Variants in ATP11A observed in about 807,000 individuals in gnomAD.
ATP11A encodes the protein phospholipid-transporting ATPase IH.
Under a neutral mutation model 154.4 loss-of-function variants are expected in ATP11A, and 81 were observed. That is an observed-to-expected ratio of 0.52 (90% CI 0.44 to 0.63). The LOEUF (loss-of-function observed/expected upper bound fraction) is 0.63. Ranked by LOEUF, ATP11A falls within the 30% of genes least tolerant of loss-of-function variation. The pLI is 0.00. For synonymous variants in ATP11A, 623 were observed against 585.9 expected, an observed-to-expected ratio of 1.06 and a Z score of -0.91; for missense variants, 1,316 against 1,474.3, an observed-to-expected ratio of 0.89 and a Z score of 1.76.
chr13:112,734,142 T>C (rs1036338326), intron 1 of ATP11A, among the ~76,000 whole-genome samples: 1 of 152,182 alleles, frequency 6.6e-6, no homozygotes, highest in Non-Finnish European at 1.5e-5. Flanking sequence ...CTAACTGTGC[T>C]GCTTCCAGCT....
intron 1 of ATP11A, among the ~76,000 whole-genome samples, chr13:112,718,105 C>T (rs1888696953): frequency 6.6e-6 from 1 of 152,108 alleles, no homozygotes; most frequent in Non-Finnish European, 1.5e-5. Flanking sequence ...TAAATGATTG[C>T]CACCGCCCCC....
At chr13:112,760,578 T>TC (rs1176764083) in intron 1 of ATP11A, among the ~76,000 whole-genome samples, 7 of 152,238 alleles carry the variant, frequency 4.6e-5, no homozygotes, top group African/African-American at 1.7e-4. Context: ...CTAATTTTTT[T>TC]CAGCTAGTTC....
intron 1 of ATP11A, among the ~76,000 whole-genome samples, chr13:112,755,463 C>T (rs2076798957): frequency 6.6e-6 from 1 of 152,202 alleles, no homozygotes; most frequent in South Asian, 2.1e-4. Context: ...CCTATGGGAT[C>T]CCTCCAGGTC....
chr13:112,787,814 TTAATTCACACCGGTGTCC>T lies in ATP11A; in HGVS notation c.162+2577_162+2594del, dbSNP rs1306941345. Among the ~76,000 whole-genome samples, 50 of 142,374 alleles carry T rather than the reference TTAATTCACACCGGTGTCC, an allele frequency of 3.5e-4. 1 individual carries two copies. The highest frequency in any genetic ancestry group is 1.1e-3 in the African/African-American group (42 of 37,304). The allele number at this position is 142,374 out of a possible 152,430, so 93.4% of individuals were successfully genotyped here. On this transcript the variant is annotated intron_variant, in intron 2 of 29. Coordinates refer to ENST00000375645, the MANE Select transcript of ATP11A (RefSeq NM_015205.3). ...CGTGTAAACCCCTGTGGAGACCTAC[TTAATTCACACCGGTGTCC>T]TAATTCACACCGGTGTCCTGATGTA...
At chr13:112,763,025 C>T (rs779446728) in intron 1 of ATP11A, among the ~76,000 whole-genome samples, 13 of 152,368 alleles carry the variant, frequency 8.5e-5, no homozygotes, top group African/African-American at 2.9e-4. Context: ...ATTTGACAGA[C>T]GCAGAAAAGC....
In ATP11A at chr13:112,860,381, T is replaced by C. The variant is rs1265948421; in HGVS notation, c.2822T>C (p.Ile941Thr). The C allele has an allele frequency of 5.6e-6, 9 of 1,614,200 alleles. No homozygotes were observed. In the South Asian group the frequency reaches 8.8e-5, roughly 16 times the overall value. ...LYSLMEQHVG[I>T]DVLKRDPTLY... is the part of the protein sequence containing the mutation. The stretch of plus-strand genomic sequence containing the variant: ...AGCCTCATGGAGCAGCATGTTGGCA[T>C]TGACGTGCTCAAGAGAGACCCGACC... The change falls in exon 24 of 30, where the codon ATT (isoleucine) becomes ACT (threonine). Residue 941 changes from isoleucine to threonine, a missense_variant. Transcript: ENST00000375645.
intron 1 of ATP11A, among the ~76,000 whole-genome samples, chr13:112,718,495 C>G (rs143762780): frequency 2.0e-5 from 3 of 152,132 alleles, no homozygotes; most frequent in Non-Finnish European, 4.4e-5. Context: ...AGAGGGCAGC[C>G]GCCTCCGCTG....
chr13:112,816,291 A>T, intron 6 of ATP11A, 80 bp downstream of exon 6: 1 of 1,575,118 alleles, frequency 6.3e-7, no homozygotes, highest in Non-Finnish European at 8.7e-7. Context: ...CACAGAAACT[A>T]ACATCCTGTT....
intron 1 of ATP11A, among the ~76,000 whole-genome samples, chr13:112,752,977 C>T (rs2076731375): frequency 6.6e-6 from 1 of 152,228 alleles, no homozygotes; most frequent in Admixed American, 6.5e-5. Context: ...ATGGTCTACA[C>T]ATCCTGCCCA....
chr13:112,843,241 ACTC>A (rs1393628011), intron 17 of ATP11A, among the ~76,000 whole-genome samples: 3 of 147,332 alleles, frequency 2.0e-5, no homozygotes, highest in East Asian at 4.1e-4. Flanking sequence ...GGGTGGACGC[ACTC>A]CCTCCTGTCA....
At chr13:112,738,796 C>T (rs566917038) in intron 1 of ATP11A, among the ~76,000 whole-genome samples, 96 of 149,500 alleles carry the variant, frequency 6.4e-4, no homozygotes, top group South Asian at 4.3e-3. Context: ...CCCATAGAGG[C>T]TGTTTCTCCT....
intron 2 of ATP11A, among the ~76,000 whole-genome samples, chr13:112,801,913 A>C (rs2078144087): frequency 6.6e-6 from 1 of 152,200 alleles, no homozygotes; most frequent in Non-Finnish European, 1.5e-5. Context: ...CACCAAACTG[A>C]TTCTGCATTT....
At chr13:112,768,294 C>T (rs1018955696) in intron 1 of ATP11A, among the ~76,000 whole-genome samples, 4 of 152,228 alleles carry the variant, frequency 2.6e-5, no homozygotes, top group African/African-American at 7.2e-5. Context: ...CTGCCTTCTG[C>T]GGCGTCTTCC....
At chr13:112,771,162 G>A (rs542683897) in intron 1 of ATP11A, among the ~76,000 whole-genome samples, 14 of 152,266 alleles carry the variant, frequency 9.2e-5, no homozygotes, top group African/African-American at 3.1e-4. Flanking sequence ...AACCTGATGC[G>A]GGCAGCCACA....
intron 2 of ATP11A, among the ~76,000 whole-genome samples, chr13:112,791,660 G>A (rs761286595): frequency 1.3e-5 from 2 of 152,106 alleles, no homozygotes; most frequent in African/African-American, 2.4e-5. Flanking sequence ...CGTTTCGAAC[G>A]TCACTGCAGG....
chr13:112,843,968 C>G (rs2079502044), intron 17 of ATP11A, among the ~76,000 whole-genome samples: 3 of 152,196 alleles, frequency 2.0e-5, no homozygotes, highest in South Asian at 4.1e-4. Flanking sequence ...TGACTTCCAC[C>G]AGCCACAGAG....
Position 112,859,460 on chromosome 13 carries a change from C to A in ATP11A, c.2727+8C>A. 1 of 1,611,418 alleles carries A rather than the reference C, an allele frequency of 6.2e-7. No homozygotes were observed. On this transcript the variant is annotated splice_region_variant and intron_variant, in intron 23 of 29. Transcript: ENST00000375645. This position sits in a 1 kb window ranked among gnomAD's most constrained non-coding sequence, Gnocchi z 4.3. ...TGTGGGTTTTCACAACAGGTCAGTCCTAGGGTCTTCAGGGACAGGCTGTCT... is the reference window on the plus strand; with the variant it reads ...TGTGGGTTTTCACAACAGGTCAGTCATAGGGTCTTCAGGGACAGGCTGTCT...
chr13:112,832,527 C>T (rs17121744), intron 13 of ATP11A, among the ~76,000 whole-genome samples: 2,212 of 152,342 alleles, frequency 0.015, 60 homozygotes, highest in African/African-American at 0.05. Flanking sequence ...GTGTTCGTGG[C>T]ACCGTGTGAC....
chr13:112,702,041 T>C (rs1049761101), intron 1 of ATP11A, among the ~76,000 whole-genome samples: 1 of 151,362 alleles, frequency 6.6e-6, no homozygotes, highest in African/African-American at 2.4e-5. Flanking sequence ...TGTCACAGAG[T>C]GTGCAAAAAC....
Sources: gnomAD v4.1 joint callset for allele counts (sites outside exome capture counted in the v4.1 genomes callset) on GRCh38, gnomAD v4.1.1 for gene constraint, Gnocchi (gnomAD v3.1) non-coding constraint, MANE v1.5 for transcripts, NCBI Gene and HGNC (gene_info 2026-07-23, HGNC 2026-07-21) for gene names.